The following SEPTIN9 variants were observed in gnomAD, a reference collection of about 807,000 sequenced individuals.
SEPTIN9 encodes septin-9.
SEPTIN9 carries 13 observed loss-of-function variants against 56.6 expected under a neutral mutation model. That is an observed-to-expected ratio of 0.23 (90% CI 0.15 to 0.37). SEPTIN9 has a LOEUF of 0.37. SEPTIN9 is among the 10% of genes least tolerant of loss of function. SEPTIN9 has a pLI of 1.00. For synonymous variants in SEPTIN9, 332 were observed against 334.1 expected, an observed-to-expected ratio of 0.99 and a Z score of 0.07; for missense variants, 650 against 823.1, an observed-to-expected ratio of 0.79 and a Z score of 2.57.
intron 2 of SEPTIN9, among the ~76,000 whole-genome samples, chr17:77,360,548 T>G (rs571755705): frequency 7.3e-5 from 11 of 151,376 alleles, no homozygotes; most frequent in African/African-American, 9.7e-5. Flanking sequence ...TTGTTTTTTT[T>G]TTGTTGTTTT....
chr17:77,454,313 C>A, intron 3 of SEPTIN9: 1 of 985,514 alleles, frequency 1.0e-6, no homozygotes, highest in Non-Finnish European at 1.2e-6. Context: ...TTCTGCCTTC[C>A]GGCGCCGAGC....
chr17:77,486,614 T>TTG (rs1161458084), intron 4 of SEPTIN9, among the ~76,000 whole-genome samples: 4 of 150,948 alleles, frequency 2.6e-5, no homozygotes, highest in Non-Finnish European at 4.4e-5. Context: ...TTGAGGTGAG[T>TTG]TGTGTGTGTG....
chr17:77,487,431 C>T lies in SEPTIN9; in HGVS notation c.921C>T (p.Ser307=), dbSNP rs748229501. 26 of 1,601,056 alleles carry T rather than the reference C, an allele frequency of 1.6e-5. No homozygotes were observed. The highest frequency in any genetic ancestry group is 5.2e-5 in the Admixed American group (3 of 57,838). The change falls in exon 5 of 12, where the codon AGC becomes AGT. Residue 307 remains serine, a synonymous_variant. Transcript: ENST00000427177. The surrounding 1 kb of genome is among the most constrained non-coding windows in gnomAD (Gnocchi z 4.3). ...CTCCCATCCTCTCCCCAGGGCAGAGCGGCTTGGGTAAATCCACCTTAATCA... is the reference window on the plus strand; with the variant it reads ...CTCCCATCCTCTCCCCAGGGCAGAGTGGCTTGGGTAAATCCACCTTAATCA... ...FEFNIMVVGQ[S]GLGKSTLINT...
At chr17:77,489,537 G>A (rs947769807) in intron 7 of SEPTIN9, among the ~76,000 whole-genome samples, 1 of 152,222 alleles carries the variant, frequency 6.6e-6, no homozygotes, top group Non-Finnish European at 1.5e-5. Flanking sequence ...AGGACCAGAG[G>A]CCAGCAGGAG....
rs555674537 is a variant in SEPTIN9 at position 77,445,643 on chromosome 17, T to A, written c.722-36501T>A. ...AGCAGCACGTGGGTGTCACCACACT[T>A]CCTAGCAGGTGTCAACCTCCAAGAC... is the stretch of plus-strand genomic sequence containing the variant. On this transcript the variant is annotated intron_variant, in intron 3 of 11. Coordinates refer to ENST00000427177, the MANE Select transcript of SEPTIN9 (RefSeq NM_001113491.2). This position sits in a 1 kb window ranked among gnomAD's most constrained non-coding sequence, Gnocchi z 4.7. 8.8e-5 allele frequency: 32 copies of A among 361,672 alleles called. No individual in the cohort carries two copies. The highest frequency in any genetic ancestry group is 6.9e-4 in the African/African-American group (32 of 46,680). The allele number at this position is 361,672 out of a possible 1,614,324, so 22.4% of individuals were successfully genotyped here.
In SEPTIN9 at chr17:77,379,244, A is replaced by G. The variant is rs922989; in HGVS notation, c.77-22815A>G. Among the ~76,000 whole-genome samples, 715 of 151,892 alleles carry G rather than the reference A, an allele frequency of 4.7e-3. 6 individuals carry two copies. The highest frequency in any genetic ancestry group is 0.017 in the African/African-American group (695 of 41,394). On this transcript the variant is annotated intron_variant, in intron 2 of 11. Transcript: ENST00000427177. ...ACCCCTACACTGGGCCCGGGGTGTCAGGAGGTGGAGGGGGGACTGGGTGCC... is the reference window on the plus strand; with the variant it reads ...ACCCCTACACTGGGCCCGGGGTGTCGGGAGGTGGAGGGGGGACTGGGTGCC...
chr17:77,462,782 C>T (rs2038537336), intron 3 of SEPTIN9, among the ~76,000 whole-genome samples: 1 of 152,326 alleles, frequency 6.6e-6, no homozygotes, highest in African/African-American at 2.4e-5. Flanking sequence ...GCTGCGACTA[C>T]AGGCGTGTGC....
At chr17:77,488,157 G>A in intron 5 of SEPTIN9, 83 bp from the exon 6 acceptor site, 1 of 1,301,710 alleles carries the variant, frequency 7.7e-7, no homozygotes, top group South Asian at 1.2e-5. Context: ...CCTACCTGGG[G>A]TTGCCCCGGG....
At chr17:77,303,344 C>A (rs969738144) in intron 1 of SEPTIN9, among the ~76,000 whole-genome samples, 2 of 151,308 alleles carry the variant, frequency 1.3e-5, no homozygotes, top group African/African-American at 4.9e-5. Flanking sequence ...GTGACTGGCC[C>A]ACGTCAGCCT....
At chr17:77,290,327 C>T (rs942190835) in intron 1 of SEPTIN9, among the ~76,000 whole-genome samples, 1 of 150,940 alleles carries the variant, frequency 6.6e-6, no homozygotes, top group Non-Finnish European at 1.5e-5. Flanking sequence ...GCGCGATCTC[C>T]GCTCACTGCA....
At chr17:77,297,969 C>G (rs937283594) in intron 1 of SEPTIN9, among the ~76,000 whole-genome samples, 1 of 152,180 alleles carries the variant, frequency 6.6e-6, no homozygotes, top group African/African-American at 2.4e-5. Flanking sequence ...TGGAAGCAAG[C>G]TTGGTGCATT....
chr17:77,311,952 C>T (rs777053546), intron 2 of SEPTIN9, among the ~76,000 whole-genome samples: 32 of 152,166 alleles, frequency 2.1e-4, no homozygotes, highest in Non-Finnish European at 4.1e-4. Flanking sequence ...CTGATATCAG[C>T]CTTGCCACCC....
intron 1 of SEPTIN9, among the ~76,000 whole-genome samples, chr17:77,296,327 C>T (rs760410371): frequency 1.3e-5 from 2 of 152,042 alleles, no homozygotes; most frequent in Non-Finnish European, 2.9e-5. Context: ...AGGGAGACAG[C>T]CAATAGGAGA....
At chr17:77,304,469 A>G (rs2032183084) in intron 1 of SEPTIN9, among the ~76,000 whole-genome samples, 1 of 152,196 alleles carries the variant, frequency 6.6e-6, no homozygotes, top group Admixed American at 6.5e-5. Context: ...CCTACGGATA[A>G]GAGGCCCTGG....
Position 77,450,432 on chromosome 17 carries a change from G to A in SEPTIN9, c.722-31712G>A. 3.1e-6 allele frequency: 3 copies of A among 967,356 alleles called. No homozygotes were observed. Among genetic ancestry groups the A allele is most frequent in the Non-Finnish European group, 3.7e-6 (3 of 813,450 alleles). The allele number at this position is 967,356 out of a possible 1,614,324, so 59.9% of individuals were successfully genotyped here. A position where few individuals can be genotyped will look rare whatever the true frequency, so the allele number is the denominator to read the frequency against. ...TCACCAAAGGCTTCTTTCCATTTGA[G>A]TGAATCCCTCCCAGCCCCCAGCAAG... On this transcript the variant is annotated intron_variant, in intron 3 of 11. Transcript: ENST00000427177. This position sits in a 1 kb window ranked among gnomAD's most constrained non-coding sequence, Gnocchi z 6.0.
chr17:77,292,163 G>A lies in SEPTIN9; in HGVS notation c.19+10609G>A, dbSNP rs530444624. Among the ~76,000 whole-genome samples the A allele has an allele frequency of 5.3e-5, 8 of 152,242 alleles. No individual in the cohort carries two copies. The South Asian group carries it at 6.2e-4, about 12-fold the overall frequency. ...TTTTCTTGGGCCACCTCTCCTGGCC[G>A]TCACTCACCCTGCTGACTCATTACT... On this transcript the variant is annotated intron_variant, in intron 1 of 11. Coordinates refer to ENST00000427177, the MANE Select transcript of SEPTIN9 (RefSeq NM_001113491.2).
At chr17:77,496,941 G>A (rs1005402856) in intron 10 of SEPTIN9, 4 of 308,426 alleles carry the variant, frequency 1.3e-5, no homozygotes, top group South Asian at 3.7e-5. Context: ...CTGCTGGGAC[G>A]TCCTGCTCTC....
intron 2 of SEPTIN9, among the ~76,000 whole-genome samples, chr17:77,344,220 C>A (rs2033820333): frequency 1.3e-5 from 2 of 152,018 alleles, no homozygotes; most frequent in Admixed American, 6.5e-5. Flanking sequence ...CATTTTTCCA[C>A]AGAAGACATA....
intron 3 of SEPTIN9, among the ~76,000 whole-genome samples, chr17:77,466,131 T>G (rs184131504): frequency 2.9e-3 from 439 of 150,806 alleles, no homozygotes; most frequent in Admixed American, 6.3e-3. Flanking sequence ...CACAAATGTG[T>G]GCCCATGAAA....
Sources: gnomAD v4.1 joint callset for allele counts (sites outside exome capture counted in the v4.1 genomes callset) on GRCh38, gnomAD v4.1.1 for gene constraint, Gnocchi (gnomAD v3.1) non-coding constraint, MANE v1.5 for transcripts, NCBI Gene and HGNC (gene_info 2026-07-23, HGNC 2026-07-21) for gene names.